Variants in ME3 observed in about 807,000 individuals in gnomAD.
The protein encoded by ME3 is malic enzyme 3.
ME3 carries 48 observed loss-of-function variants against 68.9 expected under a neutral mutation model. That is an observed-to-expected ratio of 0.70 (90% CI 0.55 to 0.89). The LOEUF is 0.89. Among genes scored for constraint, ME3 ranks in the 40% least tolerant of loss-of-function variants. ME3 has a pLI of 0.00. For missense variants in ME3, 675 were observed against 797.4 expected (o/e 0.85, Z 1.85); for synonymous variants, 320 against 318.8 (o/e 1.00, Z -0.04).
rs537269281 is a variant in ME3, at chr11:86,553,899, G to A, written c.467+2654C>T. Among the ~76,000 whole-genome samples, 6 of 151,594 alleles carry A rather than the reference G, an allele frequency of 4.0e-5. No individual in the cohort carries two copies. The South Asian group carries it at 1.3e-3, about 32-fold the overall frequency. On this transcript the variant is annotated intron_variant, in intron 4 of 14. Coordinates refer to ENST00000543262, the Ensembl canonical transcript of ME3. ...GAAACTGTAAGAGGCAGTGTAGTGT[G>A]GTGGTTGCCTGTCTACACTTTGGTT...
In ME3 at chr11:86,600,438, C is replaced by T. The variant is rs576602656; in HGVS notation, c.184-40615G>A. 3.3e-5 allele frequency among the ~76,000 whole-genome samples: 5 copies of T among 152,000 alleles called. No homozygotes were observed. The South Asian group carries it at 8.4e-4, about 25-fold the overall frequency. ...ATATATGCACCCAATACAGGAGCAC[C>T]CAGATTCATAAAGCAAGTCCTGAGT... On this transcript the variant is annotated intron_variant, in intron 2 of 14. Coordinates refer to ENST00000543262, the Ensembl canonical transcript of ME3.
intron 2 of ME3, among the ~76,000 whole-genome samples, chr11:86,596,329 G>C (rs11234708): frequency 0.33 from 50,370 of 152,092 alleles, 10,002 homozygotes; most frequent in Non-Finnish European, 0.45. Context: ...AAAATGGGCA[G>C]AATGTAAAGT....
At chr11:86,612,124 A>C (rs1942626908) in intron 2 of ME3, among the ~76,000 whole-genome samples, 1 of 151,960 alleles carries the variant, frequency 6.6e-6, no homozygotes, top group Admixed American at 6.6e-5. Flanking sequence ...CATGTGTTCT[A>C]ATTTTTCAAC....
At chr11:86,473,598 G>A (rs951433888) in intron 7 of ME3, among the ~76,000 whole-genome samples, 1 of 152,162 alleles carries the variant, frequency 6.6e-6, no homozygotes, top group African/African-American at 2.4e-5. Flanking sequence ...GGGGGCTAGA[G>A]CACAGTTAGA....
At chr11:86,521,431 A>AAAAAAAAATAATAAT (rs1271326906) in intron 4 of ME3, among the ~76,000 whole-genome samples, 2 of 145,996 alleles carry the variant, frequency 1.4e-5, no homozygotes, top group African/African-American at 5.1e-5. Context: ...AACAAAACAA[A>AAAAAAAAATAATAAT]AATAATAATA....
intron 2 of ME3, among the ~76,000 whole-genome samples, chr11:86,635,296 A>G (rs1944264323): frequency 2.0e-5 from 3 of 152,184 alleles, no homozygotes; most frequent in Admixed American, 2.0e-4. Context: ...CCACCTGCAT[A>G]CACTGAGGAA....
chr11:86,579,329 G>A (rs1488457690), intron 2 of ME3, among the ~76,000 whole-genome samples: 2 of 152,166 alleles, frequency 1.3e-5, no homozygotes, highest in African/African-American at 4.8e-5. Context: ...CCCATGAGAG[G>A]CAGTGGGCCA....
intron 4 of ME3, among the ~76,000 whole-genome samples, chr11:86,540,022 C>T (rs985575606): frequency 2.0e-5 from 3 of 152,116 alleles, no homozygotes; most frequent in Non-Finnish European, 4.4e-5. Flanking sequence ...TTAAGCATAC[C>T]CTAAATGACT....
chr11:86,639,985 T>C (rs17819683), intron 2 of ME3, among the ~76,000 whole-genome samples: 25,586 of 152,088 alleles, frequency 0.17, 2,250 homozygotes, highest in Non-Finnish European at 0.19. Flanking sequence ...ACATCTTCTA[T>C]TGGGCAGAGA....
chr11:86,593,998 C>A lies in ME3; in HGVS notation c.184-34175G>T, dbSNP rs545336448. The stretch of plus-strand genomic sequence containing the variant: ...GTACTTAAGAGACTGATGACTCATT[C>A]TTTCATTCAACAAATATTTAATAAG... On this transcript the variant is annotated intron_variant, in intron 2 of 14. Transcript: ENST00000543262. Among the ~76,000 whole-genome samples the A allele has an allele frequency of 2.1e-5, 3 of 146,092 alleles. 1 individual carries two copies. Among genetic ancestry groups the A allele is most frequent in the African/African-American group, 7.6e-5 (3 of 39,732 alleles).
intron 2 of ME3, among the ~76,000 whole-genome samples, chr11:86,598,126 C>T (rs1959853401): frequency 6.6e-6 from 1 of 152,082 alleles, no homozygotes; most frequent in South Asian, 2.1e-4. Flanking sequence ...CACCATGCGC[C>T]AGCCGAAGCA....
chr11:86,574,402 G>C (rs74392402), intron 2 of ME3, among the ~76,000 whole-genome samples: 4 of 89,612 alleles, frequency 4.5e-5, no homozygotes, highest in East Asian at 8.9e-4. Flanking sequence ...GTTGCCGGGG[G>C]GGGGGGGGGT....
intron 4 of ME3, among the ~76,000 whole-genome samples, chr11:86,509,224 C>T (rs1283624336): frequency 6.6e-6 from 1 of 152,144 alleles, no homozygotes; most frequent in Non-Finnish European, 1.5e-5. Context: ...TTCCAGGTCC[C>T]TCCTCCCAAG....
At chr11:86,542,927 G>A (rs924908137) in intron 4 of ME3, among the ~76,000 whole-genome samples, 1 of 152,178 alleles carries the variant, frequency 6.6e-6, no homozygotes, top group African/African-American at 2.4e-5. Context: ...ACCCATAAAG[G>A]GAAGCCCATC....
chr11:86,604,821 GTAAGT>G (rs961203282), intron 2 of ME3, among the ~76,000 whole-genome samples: 6 of 152,246 alleles, frequency 3.9e-5, no homozygotes, highest in Admixed American at 6.5e-5. Context: ...ATTAGTTACA[GTAAGT>G]TAAGTTGAAT....
chr11:86,571,667 G>C (rs1326751597), intron 2 of ME3, among the ~76,000 whole-genome samples: 1 of 152,250 alleles, frequency 6.6e-6, no homozygotes, highest in African/African-American at 2.4e-5. Flanking sequence ...TGGCCTAATG[G>C]AAAGCATGGG....
intron 4 of ME3, among the ~76,000 whole-genome samples, chr11:86,519,834 A>G (rs754296338): frequency 1.3e-5 from 2 of 152,192 alleles, no homozygotes; most frequent in Non-Finnish European, 2.9e-5. Context: ...AACTGGAGAG[A>G]CTCAAGTGAG....
chr11:86,653,306 C>T (rs903345475), intron 2 of ME3, among the ~76,000 whole-genome samples: 2 of 152,154 alleles, frequency 1.3e-5, no homozygotes, highest in African/African-American at 2.4e-5. Flanking sequence ...TTTTCAGCAC[C>T]ACACCACACC....
intron 4 of ME3, among the ~76,000 whole-genome samples, chr11:86,534,090 T>G (rs1955476401): frequency 4.7e-5 from 1 of 21,218 alleles, no homozygotes; most frequent in African/African-American, 1.2e-4. Flanking sequence ...TGTATATATA[T>G]ATATATATAT....
Sources: gnomAD v4.1 joint callset for allele counts (sites outside exome capture counted in the v4.1 genomes callset) on GRCh38, gnomAD v4.1.1 for gene constraint, MANE v1.5 for transcripts, NCBI Gene and HGNC (gene_info 2026-07-23, HGNC 2026-07-21) for gene names.